Variants in REG1B observed in about 807,000 individuals in gnomAD.
The protein encoded by REG1B is lithostathine-1-beta.
A neutral mutation model predicts 20.4 loss-of-function variants in REG1B; 21 were observed. That is an observed-to-expected ratio of 1.03 (90% CI 0.73 to 1.48). REG1B has a LOEUF of 1.48. REG1B is among the 40% of genes most tolerant of loss of function. The probability of loss-of-function intolerance (pLI) is 0.00; values close to 1 mark genes in which losing one functional copy is unlikely to be tolerated. For synonymous variants in REG1B, 82 were observed against 73.4 expected (o/e 1.12, Z -0.60); for missense variants, 247 against 197.2 (o/e 1.25, Z -1.51).
In REG1B at chr2:79,086,355, CT is replaced by C. The variant is rs753802119; in HGVS notation, c.321+11del. 13 of 1,613,960 alleles carry C rather than the reference CT, an allele frequency of 8.1e-6. No homozygotes were observed. The highest frequency in any genetic ancestry group is 1.1e-5 in the Non-Finnish European group (13 of 1,179,896). ...AATGTTTATAAGGAGATAGAGGTGG[CT>C]GCAGACTGACCTTTTTTGGGTCATG... On this transcript the variant is annotated intron_variant, in intron 4 of 5. Transcript: ENST00000305089.
chr2:79,086,722 T>C (rs747328231), intron 3 of REG1B, 90 bp downstream of exon 3: 1 of 1,372,626 alleles, frequency 7.3e-7, no homozygotes, highest in Admixed American at 1.7e-5. Context: ...GGGATCAATC[T>C]TATCTCATTG....
At chr2:79,086,564 AC>A (rs1672403347) in intron 3 of REG1B, 60 bp from the exon 4 acceptor site, 2 of 1,591,956 alleles carry the variant, frequency 1.3e-6, no homozygotes, top group Non-Finnish European at 1.7e-6. Context: ...ATATACTGAG[AC>A]CTTCCAGAGG....
rs1672406937 is a variant in REG1B at position 79,086,809 on chromosome 2, C to G, written c.183+3G>C. On this transcript the variant is annotated splice_donor_region_variant and intron_variant, in intron 3 of 5. Transcript: ENST00000305089. ...CCCTTCCCCTGCTGCTCTCCTCACT[C>G]ACATCTGCATCAACCCAGGTCTCAG... The G allele has an allele frequency of 6.2e-7, 1 of 1,612,974 alleles. No homozygotes were observed. The highest frequency in any genetic ancestry group is 8.5e-7 in the Non-Finnish European group (1 of 1,179,088).
In REG1B at chr2:79,085,025, CTG is replaced by C. The variant is rs796228013; in HGVS notation, c.*189_*190del. On this transcript the variant is annotated 3_prime_UTR_variant, in exon 6 of 6. Transcript: ENST00000305089. ...AAGAGCAAATGCAGAAGACAGAACA[CTG>C]GATAAAAATAAGTTTGTTTTTATTT... 5.2e-6 allele frequency: 3 copies of C among 582,270 alleles called. No individual in the cohort carries two copies. In the African/African-American group the frequency reaches 5.6e-5, roughly 11 times the overall value. 36.1% of individuals were successfully genotyped at this position (582,270 alleles called of 1,614,324 possible).
rs756343614 is a variant in REG1B, at chr2:79,085,520, GC to G, written c.404del (p.Gly135AlafsTer6). ...AGCATGAAGTCAGGCTTGCACAGTAGCCAGCATTAGCACTGCTCGGGGATCC... is the reference window on the plus strand; with the variant it reads ...AGCATGAAGTCAGGCTTGCACAGTAGCAGCATTAGCACTGCTCGGGGATCC... ...DTGSPSSANA[G>X]YCASLTSCSG... On this transcript the variant is annotated frameshift_variant, in exon 5 of 6. Coordinates refer to ENST00000305089, the MANE Select transcript of REG1B (RefSeq NM_006507.4). LOFTEE classifies it low-confidence loss of function (END_TRUNC). 1.9e-6 allele frequency: 3 copies of G among 1,613,778 alleles called. No individual in the cohort carries two copies. The South Asian group carries it at 3.3e-5, about 18-fold the overall frequency.
chr2:79,087,409 TA>T, intron 2 of REG1B, 139 bp downstream of exon 2: 1 of 800,950 alleles, frequency 1.2e-6, no homozygotes, highest in Non-Finnish European at 2.0e-6. Context: ...TTGAATGGGA[TA>T]AAATCAGCCA....
rs141167987 is a variant in REG1B at position 79,085,596 on chromosome 2, C to T, written c.329G>A (p.Arg110His). ...CAGGGACCCACTACTCCAGTGCCAG[C>T]GGCGGTTCTAGATGGAGAAGGGCCA... Reference protein sequence around the residue: ...IGLHDPKKNRRWHWSSGSLVS... With the variant: ...IGLHDPKKNRHWHWSSGSLVS... The change falls in exon 5 of 6, where the codon CGC becomes CAC. Residue 110 changes from arginine to histidine, a missense_variant. By Grantham distance (29) the Arg-to-His change is conservative. Coordinates refer to ENST00000305089, the MANE Select transcript of REG1B (RefSeq NM_006507.4). The T allele has an allele frequency of 4.6e-5, 74 of 1,611,366 alleles. No individual in the cohort carries two copies. The highest frequency in any genetic ancestry group is 6.7e-5 in the African/African-American group (5 of 74,798).
intron 1 of REG1B, 101 bp from the exon 2 acceptor site, chr2:79,087,759 C>T: frequency 1.5e-6 from 1 of 682,510 alleles, no homozygotes; most frequent in Non-Finnish European, 2.4e-6. Context: ...CCGAAAGGTC[C>T]ACTGAGATAG....
At chr2:79,087,262 C>G (rs1672413832) in intron 2 of REG1B, 1 of 537,150 alleles carries the variant, frequency 1.9e-6, no homozygotes, top group Admixed American at 3.4e-5. Context: ...GCTCTCCATC[C>G]TAGCAATGAC....
intron 1 of REG1B, 27 bp downstream of exon 1, chr2:79,087,932 T>C (rs1019906596): frequency 1.2e-5 from 3 of 257,418 alleles, no homozygotes; most frequent in African/African-American, 2.2e-5. Context: ...ACGTTAGACA[T>C]GCTCTTCTCC....
chr2:79,085,611 G>C lies in REG1B; in HGVS notation c.322-8C>G. The stretch of plus-strand genomic sequence containing the variant: ...CCAGTGCCAGCGGCGGTTCTAGATG[G>C]AGAAGGGCCAGAACAGGGGCCATGG... On this transcript the variant is annotated splice_polypyrimidine_tract_variant and splice_region_variant and intron_variant, in intron 4 of 5. Transcript: ENST00000305089. 2.5e-6 allele frequency: 4 copies of C among 1,593,218 alleles called. No individual in the cohort carries two copies. Among genetic ancestry groups the C allele is most frequent in the African/African-American group, 1.3e-5 (1 of 74,556 alleles).
At chr2:79,087,714 T>C (rs185973500) in intron 1 of REG1B, 56 bp from the exon 2 acceptor site, 4 of 1,085,364 alleles carry the variant, frequency 3.7e-6, no homozygotes, top group South Asian at 1.6e-5. Flanking sequence ...ACCTGTTATC[T>C]TTCTAACATC....
At position 79,085,182 on chromosome 2, in the gene REG1B, G is replaced by A. The variant is rs761261704; in HGVS notation, c.*34C>T. On this transcript the variant is annotated 3_prime_UTR_variant, in exon 6 of 6. Coordinates refer to ENST00000305089, the MANE Select transcript of REG1B (RefSeq NM_006507.4). ...AATTTTTGACTTCATAGTAATTGCA[G>A]GACCAGTTCTAGACATCCATTTTTC... 3 of 1,513,402 alleles carry A rather than the reference G, an allele frequency of 2.0e-6. No homozygotes were observed. The Admixed American group carries it at 5.0e-5, about 25-fold the overall frequency. The allele number at this position is 1,513,402 out of a possible 1,614,324, so 93.7% of individuals were successfully genotyped here. A position where few individuals can be genotyped will look rare whatever the true frequency, so the allele number is the denominator to read the frequency against.
At position 79,086,623 on chromosome 2, in the gene REG1B, A is replaced by G. The variant is rs150496556; in HGVS notation, c.184-119T>C. 7,809 of 1,381,190 alleles carry G rather than the reference A, an allele frequency of 5.7e-3. 33 individuals are homozygous for G. Among genetic ancestry groups the G allele is most frequent in the South Asian group, 7.8e-3 (624 of 79,710 alleles). 85.6% of individuals were successfully genotyped at this position (1,381,190 alleles called of 1,614,324 possible). A position where few individuals can be genotyped will look rare whatever the true frequency, so the allele number is the denominator to read the frequency against. The stretch of plus-strand genomic sequence containing the variant: ...CAGAAATGTCCCTGATGATGCTGTC[A>G]CTGACCACCAGCATCTCTGTGCTGG... On this transcript the variant is annotated intron_variant, in intron 3 of 5. Transcript: ENST00000305089.
At position 79,085,894 on chromosome 2, in the gene REG1B, C is replaced by T. The variant is rs138149235; in HGVS notation, c.322-291G>A. On this transcript the variant is annotated intron_variant, in intron 4 of 5. Transcript: ENST00000305089. ...CTGATTTTTTTCCTGAATCTCAGAA[C>T]TCTCATATCCAGCATAACATTGGCT... The T allele has an allele frequency of 2.0e-4, 55 of 279,650 alleles. No homozygotes were observed. In the East Asian group the frequency reaches 2.3e-3, roughly 12 times the overall value. 17.3% of individuals were successfully genotyped at this position (279,650 alleles called of 1,614,324 possible).
intron 4 of REG1B, chr2:79,086,042 A>AT (rs1672394518): frequency 3.1e-6 from 1 of 327,716 alleles, no homozygotes; most frequent in Non-Finnish European, 5.6e-6. Flanking sequence ...TCCACTACTC[A>AT]TTTTCTATAT....
intron 3 of REG1B, 44 bp downstream of exon 3, chr2:79,086,768 C>T (rs1672406119): frequency 6.4e-7 from 1 of 1,566,572 alleles, no homozygotes; most frequent in Non-Finnish European, 8.8e-7. Context: ...GCAGCTGCCT[C>T]TACCTTCATA....
intron 1 of REG1B, 55 bp from the exon 2 acceptor site, chr2:79,087,713 C>T (rs1244857495): frequency 6.4e-6 from 7 of 1,094,116 alleles, no homozygotes; most frequent in Non-Finnish European, 9.3e-6. Flanking sequence ...CACCTGTTAT[C>T]TTTCTAACAT....
chr2:79,086,540 G>A (rs762605983), intron 3 of REG1B, 36 bp from the exon 4 acceptor site: 8 of 1,610,382 alleles, frequency 5.0e-6, no homozygotes, highest in Non-Finnish European at 6.8e-6. Flanking sequence ...CAGTGGAGAA[G>A]GAAGGTGTGA....
Sources: allele counts gnomAD v4.1 joint callset, GRCh38; gene constraint gnomAD v4.1.1; transcripts MANE v1.5; gene names NCBI Gene and HGNC (gene_info 2026-07-23, HGNC 2026-07-21).